The following MMP1 variants were observed in gnomAD, a reference collection of about 807,000 sequenced individuals.
MMP1 encodes the protein interstitial collagenase.
A neutral mutation model predicts 49.6 loss-of-function variants in MMP1; 51 were observed. That is an observed-to-expected ratio of 1.03 (90% confidence interval 0.82 to 1.30). MMP1 has a LOEUF of 1.30. Among genes scored for constraint, MMP1 ranks in the 50% most tolerant of loss-of-function variants. The pLI, the probability that MMP1 is intolerant of heterozygous loss-of-function variation, is 0.00. For missense variants in MMP1, 623 were observed against 568.7 expected, an observed-to-expected ratio of 1.10 and a Z score of -0.97; for synonymous variants, 230 against 196.8, an observed-to-expected ratio of 1.17 and a Z score of -1.41.
At chr11:102,792,959 T>A (rs1858075666) in intron 6 of MMP1, among the ~76,000 whole-genome samples, 1 of 152,190 alleles carries the variant, frequency 6.6e-6, no homozygotes, top group Non-Finnish European at 1.5e-5. Flanking sequence ...AGCACCATTG[T>A]ATAGCATACA....
In MMP1 at chr11:102,790,401, A is replaced by G. The variant is rs1348224693; in HGVS notation, c.*11T>C. 2 of 1,515,338 alleles carry G rather than the reference A, an allele frequency of 1.3e-6. No individual in the cohort carries two copies. Among genetic ancestry groups the G allele is most frequent in the African/African-American group, 2.8e-5 (2 of 72,342 alleles). 93.9% of individuals were successfully genotyped at this position (1,515,338 alleles called of 1,614,324 possible). A position where few individuals can be genotyped will look rare whatever the true frequency, so the allele number is the denominator to read the frequency against. Reference sequence around the variant, plus strand: ...CTCACACCATGTGTTTTCCATTCAAATTAGTAATGTTCAATTTTTCCTGCA... The same window carrying G: ...CTCACACCATGTGTTTTCCATTCAAGTTAGTAATGTTCAATTTTTCCTGCA... On this transcript the variant is annotated 3_prime_UTR_variant, in exon 10 of 10. Coordinates refer to ENST00000315274, the MANE Select transcript of MMP1 (RefSeq NM_002421.4).
At chr11:102,796,437 C>G (rs776749229) in intron 4 of MMP1, among the ~76,000 whole-genome samples, 8 of 152,168 alleles carry the variant, frequency 5.3e-5, no homozygotes, top group Non-Finnish European at 1.2e-4. Flanking sequence ...AAGTTTTCAA[C>G]AATTTTCTTA....
intron 4 of MMP1, 77 bp from the exon 5 acceptor site, chr11:102,795,684 A>G (rs1858168770): frequency 1.6e-6 from 2 of 1,237,098 alleles, no homozygotes; most frequent in Non-Finnish European, 2.2e-6. Context: ...TAAATAATTT[A>G]CAACTACAAG....
At chr11:102,796,033 C>A (rs551757949) in intron 4 of MMP1, among the ~76,000 whole-genome samples, 1 of 152,320 alleles carries the variant, frequency 6.6e-6, no homozygotes, top group African/African-American at 2.4e-5. Flanking sequence ...TCACTGCAAC[C>A]TCTGCCTCCT....
chr11:102,795,764 G>A (rs1380669316), intron 4 of MMP1, among the ~76,000 whole-genome samples, 157 bp from the exon 5 acceptor site: 3 of 152,074 alleles, frequency 2.0e-5, no homozygotes, highest in African/African-American at 7.2e-5. Context: ...GAAGGCAGAA[G>A]GCATGCATTT....
chr11:102,791,287 A>G, intron 8 of MMP1, 46 bp downstream of exon 8: 1 of 1,606,438 alleles, frequency 6.2e-7, no homozygotes, highest in Non-Finnish European at 8.5e-7. Context: ...AGAACTTTTT[A>G]TGTAGAAAGA....
rs756925599 is a variant in MMP1 at position 102,797,999 on chromosome 11, C to A, written c.94G>T (p.Asp32Tyr). 1 of 1,612,342 alleles carries A rather than the reference C, an allele frequency of 6.2e-7. No individual in the cohort carries two copies. The highest frequency in any genetic ancestry group is 8.5e-7 in the Non-Finnish European group (1 of 1,178,914). ...ATLETQEQDV[D>Y]LVQKYLEKYY... The stretch of plus-strand genomic sequence containing the variant: ...AATGCAGCATTTACCTGGACTAAGT[C>A]CACATCTTGCTCTTGTGTTTCTAGA... The change falls in exon 1 of 10, where the codon GAC becomes TAC. Residue 32 changes from aspartate (D) to tyrosine (Y), a missense_variant. Transcript: ENST00000315274.
In MMP1 at chr11:102,790,793, T is replaced by G. The variant is rs1169731663; in HGVS notation, c.1210A>C (p.Lys404Gln). 2 of 1,605,128 alleles carry G rather than the reference T, an allele frequency of 1.2e-6. No individual in the cohort carries two copies. The highest frequency in any genetic ancestry group is 1.7e-6 in the Non-Finnish European group (2 of 1,172,082). ...GGATAACCTGGATCCATAGATCGTTTATATTCATCATACCTGGTCAGAAAA... is the reference window on the plus strand; with the variant it reads ...GGATAACCTGGATCCATAGATCGTTGATATTCATCATACCTGGTCAGAAAA... ...ANKYWRYDEY[K>Q]RSMDPGYPKM... The change falls in exon 9 of 10, where the codon AAA becomes CAA. Residue 404 changes from lysine (K) to glutamine (Q), a missense_variant. Transcript: ENST00000315274.
intron 9 of MMP1, 34 bp from the exon 10 acceptor site, chr11:102,790,555 TAC>T: frequency 7.2e-7 from 1 of 1,394,162 alleles, no homozygotes. Context: ...TACTACATTA[TAC>T]AAGTAGTTTC....
chr11:102,790,395 A>T lies in MMP1; in HGVS notation c.*17T>A, dbSNP rs1409564584. On this transcript the variant is annotated 3_prime_UTR_variant, in exon 10 of 10. Coordinates refer to ENST00000315274, the MANE Select transcript of MMP1 (RefSeq NM_002421.4). ...TTTGGACTCACACCATGTGTTTTCC[A>T]TTCAAATTAGTAATGTTCAATTTTT... 6.8e-7 allele frequency: 1 copy of T among 1,478,554 alleles called. No homozygotes were observed. The highest frequency in any genetic ancestry group is 9.4e-7 in the Non-Finnish European group (1 of 1,068,060). 91.6% of individuals were successfully genotyped at this position (1,478,554 alleles called of 1,614,324 possible). A position where few individuals can be genotyped will look rare whatever the true frequency, so the allele number is the denominator to read the frequency against.
intron 6 of MMP1, 22 bp from the exon 7 acceptor site, chr11:102,792,760 A>C (rs1409186854): frequency 1.2e-6 from 2 of 1,605,736 alleles, no homozygotes; most frequent in Non-Finnish European, 1.7e-6. Flanking sequence ...AAAAGCAAGA[A>C]AAGTTTCCAT....
At chr11:102,797,708 A>T (rs1858241548) in intron 1 of MMP1, among the ~76,000 whole-genome samples, 1 of 152,208 alleles carries the variant, frequency 6.6e-6, no homozygotes, top group South Asian at 2.1e-4. Flanking sequence ...TAAGAACTTC[A>T]TAGTAGAGCA....
rs1204299835 is a variant in MMP1 at position 102,795,153 on chromosome 11, AAAG to A, written c.899+18_899+20del. On this transcript the variant is annotated intron_variant, in intron 6 of 9. Transcript: ENST00000315274. ...TGTTATTATTACAAATGCAGATCAC[AAAG>A]AAGAACTGACATCTTACCTGTCTTT... 1.9e-6 allele frequency: 3 copies of A among 1,543,144 alleles called. No homozygotes were observed. Among genetic ancestry groups the A allele is most frequent in the Admixed American group, 3.3e-5 (2 of 59,864 alleles).
chr11:102,795,658 T>C (rs1429264867), intron 4 of MMP1, 51 bp from the exon 5 acceptor site: 3 of 1,472,640 alleles, frequency 2.0e-6, no homozygotes, highest in Non-Finnish European at 2.8e-6. Flanking sequence ...TATTCAGTTT[T>C]GAGGCATTTA....
intron 7 of MMP1, among the ~76,000 whole-genome samples, chr11:102,791,902 G>C (rs1200036658): frequency 1.3e-5 from 2 of 152,180 alleles, no homozygotes; most frequent in Non-Finnish European, 2.9e-5. Flanking sequence ...CTCATAACCT[G>C]TAAGGGTTTG....
intron 4 of MMP1, 61 bp downstream of exon 4, chr11:102,796,603 A>G (rs1352630300): frequency 5.1e-6 from 8 of 1,559,624 alleles, no homozygotes; most frequent in Non-Finnish European, 6.1e-6. Context: ...TAAATCAACC[A>G]ATATTACAAT....
rs1036128031 is a variant in MMP1 at position 102,794,643 on chromosome 11, C to T, written c.899+531G>A. Among the ~76,000 whole-genome samples the T allele has an allele frequency of 6.6e-6, 1 of 152,132 alleles. No individual in the cohort carries two copies. The highest frequency in any genetic ancestry group is 2.4e-5 in the African/African-American group (1 of 41,410). ...TCTTCTTCTCTGGGCCTCCAGGGGG[C>T]AACAGAGACCCTTCAAGTTAATAGG... On this transcript the variant is annotated intron_variant, in intron 6 of 9. Coordinates refer to ENST00000315274, the MANE Select transcript of MMP1 (RefSeq NM_002421.4). The surrounding 1 kb of genome is among the most constrained non-coding windows in gnomAD (Gnocchi z 4.3).
At chr11:102,793,160 C>T (rs1858082104) in intron 6 of MMP1, 1 of 152,514 alleles carries the variant, frequency 6.6e-6, no homozygotes, top group African/African-American at 2.4e-5. Flanking sequence ...CACTCTCTCA[C>T]CCAGGCTGGA....
chr11:102,797,669 A>G (rs531857963), intron 1 of MMP1, among the ~76,000 whole-genome samples, 169 bp from the exon 2 acceptor site: 1 of 152,336 alleles, frequency 6.6e-6, no homozygotes, highest in East Asian at 1.9e-4. Context: ...TTCAGAGTAG[A>G]AATGTCCCTA....
Sources: allele counts gnomAD v4.1 joint callset (sites outside exome capture counted in the v4.1 genomes callset), GRCh38; gene constraint gnomAD v4.1.1; non-coding constraint Gnocchi (gnomAD v3.1); transcripts MANE v1.5; gene names NCBI Gene and HGNC (gene_info 2026-07-23, HGNC 2026-07-21).